The following AKAP6 variants were observed in gnomAD, a reference collection of about 807,000 sequenced individuals.
The protein encoded by AKAP6 is A-kinase anchor protein 6.
AKAP6 carries 58 observed loss-of-function variants against 188.5 expected under a neutral mutation model. That is an observed-to-expected ratio of 0.31 (90% confidence interval 0.25 to 0.38). AKAP6 has a LOEUF of 0.38. Among genes scored for constraint, AKAP6 ranks in the 10% least tolerant of loss-of-function variants. The pLI is 1.00. For missense variants in AKAP6, 2,710 were observed against 2,740.0 expected (o/e 0.99, Z 0.24); for synonymous variants, 989 against 998.6 (o/e 0.99, Z 0.18).
chr14:32,385,241 T>C (rs1289054348), intron 1 of AKAP6: 1 of 151,994 alleles, frequency 6.6e-6, no homozygotes, highest in Non-Finnish European at 1.5e-5. Flanking sequence ...ATGTTTACTC[T>C]GATTCAAGCT....
intron 1 of AKAP6, among the ~76,000 whole-genome samples, chr14:32,410,451 T>C (rs958992786): frequency 2.6e-5 from 4 of 152,168 alleles, no homozygotes; most frequent in Non-Finnish European, 4.4e-5. Flanking sequence ...ACATCTTAAA[T>C]GTATTTGTTT....
chr14:32,509,504 A>G (rs540356588), intron 2 of AKAP6, among the ~76,000 whole-genome samples: 17 of 152,078 alleles, frequency 1.1e-4, no homozygotes, highest in South Asian at 2.1e-4. Context: ...TTTTTTTTGT[A>G]AGGAACTCAC....
At chr14:32,789,903 G>A (rs1457554686) in intron 12 of AKAP6, among the ~76,000 whole-genome samples, 1 of 152,178 alleles carries the variant, frequency 6.6e-6, no homozygotes, top group Non-Finnish European at 1.5e-5. Context: ...GCTTCAGGAG[G>A]TGGGTAATAA....
At chr14:32,763,048 T>C (rs748123732) in intron 11 of AKAP6, among the ~76,000 whole-genome samples, 3 of 152,052 alleles carry the variant, frequency 2.0e-5, no homozygotes, top group Non-Finnish European at 4.4e-5. Context: ...TCTAGACTTA[T>C]AATATCATGT....
chr14:32,528,877 C>T (rs976449015), intron 2 of AKAP6, among the ~76,000 whole-genome samples: 2 of 152,068 alleles, frequency 1.3e-5, no homozygotes, highest in African/African-American at 2.4e-5. Flanking sequence ...TGGATTTCAC[C>T]ATGTTGGCCA....
chr14:32,444,415 T>A (rs961853629), intron 2 of AKAP6, among the ~76,000 whole-genome samples: 4 of 152,216 alleles, frequency 2.6e-5, no homozygotes, highest in Admixed American at 1.3e-4. Context: ...GGTTGTTTTT[T>A]CTTTGTATAA....
chr14:32,493,285 C>T (rs1259548186), intron 2 of AKAP6, among the ~76,000 whole-genome samples: 8 of 152,176 alleles, frequency 5.3e-5, no homozygotes, highest in East Asian at 3.9e-4. Flanking sequence ...CGGTGCACTG[C>T]AGCCTTGACT....
intron 2 of AKAP6, among the ~76,000 whole-genome samples, chr14:32,495,835 G>C (rs1880288188): frequency 6.6e-6 from 1 of 151,900 alleles, no homozygotes; most frequent in Non-Finnish European, 1.5e-5. Context: ...ATAGGGTCTG[G>C]GTTTTATTTG....
At chr14:32,772,364 CT>C (rs1327806700) in intron 11 of AKAP6, among the ~76,000 whole-genome samples, 1 of 152,162 alleles carries the variant, frequency 6.6e-6, no homozygotes, top group Non-Finnish European at 1.5e-5. Context: ...ATAACTGAAA[CT>C]GCTGCGCTGG....
chr14:32,822,849 C>T lies in AKAP6; in HGVS notation c.5036C>T (p.Ser1679Phe). 1 of 1,613,970 alleles carries T rather than the reference C, an allele frequency of 6.2e-7. No individual in the cohort carries two copies. Among genetic ancestry groups the T allele is most frequent in the South Asian group, 1.1e-5 (1 of 91,086 alleles). Reference protein sequence around the residue: ...TGQMSLDIASSINEDSAASLT... With the variant: ...TGQMSLDIASFINEDSAASLT... ...CAGATGTCATTGGACATAGCATCTT[C>T]TATCAATGAAGACTCAGCGGCATCT... The change falls in exon 13 of 14, where the codon TCT becomes TTT. Residue 1679 changes from serine to phenylalanine, a missense_variant. By Grantham distance (155) the Ser-to-Phe change is radical (BLOSUM62 -2). Around this residue, in one of 2 missense-constraint regions of AKAP6, gnomAD observed 2,473 missense variants for 2,426.1 expected, o/e 1.02. Transcript: ENST00000280979.
intron 12 of AKAP6, among the ~76,000 whole-genome samples, chr14:32,774,435 G>C (rs2032991910): frequency 6.6e-6 from 1 of 152,150 alleles, no homozygotes; most frequent in African/African-American, 2.4e-5. Context: ...AGCTTCTTCT[G>C]ATAGTTACAT....
At chr14:32,415,150 G>T (rs952558092) in intron 1 of AKAP6, among the ~76,000 whole-genome samples, 1 of 152,134 alleles carries the variant, frequency 6.6e-6, no homozygotes, top group Admixed American at 6.5e-5. Flanking sequence ...GGGAGATATT[G>T]CATTACACTG....
intron 1 of AKAP6, among the ~76,000 whole-genome samples, chr14:32,397,602 T>A (rs959483675): frequency 6.6e-6 from 1 of 152,160 alleles, no homozygotes; most frequent in African/African-American, 2.4e-5. Context: ...ATGACTTGAA[T>A]ATCTTTATTC....
At chr14:32,416,724 T>C (rs2138665302) in intron 1 of AKAP6, among the ~76,000 whole-genome samples, 1 of 152,172 alleles carries the variant, frequency 6.6e-6, no homozygotes, top group African/African-American at 2.4e-5. Context: ...CTGGCTAATT[T>C]TTGTATTTTT....
chr14:32,557,065 G>A (rs10438059), intron 4 of AKAP6, among the ~76,000 whole-genome samples: 67,340 of 151,802 alleles, frequency 0.44, 16,100 homozygotes, highest in African/African-American at 0.64. Flanking sequence ...ACTTTTGAGA[G>A]CCCTTTTTTT....
At chr14:32,621,442 T>C (rs1886812051) in intron 7 of AKAP6, among the ~76,000 whole-genome samples, 1 of 152,140 alleles carries the variant, frequency 6.6e-6, no homozygotes, top group Admixed American at 6.6e-5. Context: ...CCAAAAATCA[T>C]TCAAGAGAAG....
chr14:32,546,203 C>T lies in AKAP6; in HGVS notation c.1550C>T (p.Ser517Leu), dbSNP rs781224671. 6.2e-7 allele frequency: 1 copy of T among 1,614,152 alleles called. No individual in the cohort carries two copies. Among genetic ancestry groups the T allele is most frequent in the Admixed American group, 1.7e-5 (1 of 60,012 alleles). Reference protein sequence around the residue: ...PCRTPKRGTGSGKQAKNTKSS... With the variant: ...PCRTPKRGTGLGKQAKNTKSS... Reference sequence around the variant, plus strand: ...CGAACACCTAAACGGGGGACTGGTTCAGGCAAACAAGCTAAAAATACAAAG... The same window carrying T: ...CGAACACCTAAACGGGGGACTGGTTTAGGCAAACAAGCTAAAAATACAAAG... The change falls in exon 4 of 14, where the codon TCA becomes TTA. Residue 517 changes from serine to leucine, a missense_variant. This residue lies in a region of AKAP6 where 2,473 missense variants were observed against 2,426.1 expected (regional missense o/e 1.02). Coordinates refer to ENST00000280979, the MANE Select transcript of AKAP6 (RefSeq NM_004274.5).
At chr14:32,335,967 A>G (rs1209123897) in intron 1 of AKAP6, among the ~76,000 whole-genome samples, 2 of 151,032 alleles carry the variant, frequency 1.3e-5, no homozygotes, top group Non-Finnish European at 2.9e-5. Context: ...ATTATAGTCA[A>G]TATTTATAAT....
At chr14:32,356,215 C>G (rs1437571581) in intron 1 of AKAP6, among the ~76,000 whole-genome samples, 1 of 152,166 alleles carries the variant, frequency 6.6e-6, no homozygotes, top group African/African-American at 2.4e-5. Context: ...TGAATTCTAT[C>G]CATAGAATCC....
Sources: allele counts gnomAD v4.1 joint callset (sites outside exome capture counted in the v4.1 genomes callset), GRCh38; gene constraint gnomAD v4.1.1; regional missense constraint gnomAD v4.1.1; transcripts MANE v1.5; gene names NCBI Gene and HGNC (gene_info 2026-07-23, HGNC 2026-07-21).